NEURL3: variants seen among roughly 807,000 people sequenced by gnomAD.
NEURL3 encodes the protein neuralized E3 ubiquitin protein ligase 3, also known as E3 ubiquitin-protein ligase NEURL3.
In NEURL3, 19 loss-of-function variants were observed where a neutral mutation model predicts 17.6. That is an observed-to-expected ratio of 1.08 (90% CI 0.75 to 1.58). The LOEUF is 1.58. NEURL3 is among the 40% of genes most tolerant of loss of function. The probability of loss-of-function intolerance (pLI) is 0.00; values close to 1 mark genes in which losing one functional copy is unlikely to be tolerated. For missense variants in NEURL3, 342 were observed against 379.6 expected, an observed-to-expected ratio of 0.90 and a Z score of 0.82; for synonymous variants, 180 against 161.4, an observed-to-expected ratio of 1.11 and a Z score of -0.87.
At chr2:96,501,384 T>A (rs564905057) in intron 1 of NEURL3, among the ~76,000 whole-genome samples, 266 of 152,106 alleles carry the variant, frequency 1.7e-3, no homozygotes, top group African/African-American at 6.1e-3. Flanking sequence ...CACCTAAAAA[T>A]GACGGAAGAG....
chr2:96,500,815 G>A lies in NEURL3; in HGVS notation c.138C>T (p.Asp46=), dbSNP rs1406321245. 3.9e-6 allele frequency: 6 copies of A among 1,527,396 alleles called. No homozygotes were observed. Among genetic ancestry groups the A allele is most frequent in the Non-Finnish European group, 5.3e-6 (6 of 1,142,678 alleles). 94.6% of individuals were successfully genotyped at this position (1,527,396 alleles called of 1,614,324 possible). The change falls in exon 2 of 4, where the codon GAC becomes GAT. Residue 46 remains aspartate (D), a synonymous_variant. Transcript: ENST00000451794. Reference sequence around the variant, plus strand: ...CCGGCCGCTGGCTGAACACGATGCCGTCGTGGAACGTGGTGCGCCTGTGCG... The same window carrying A: ...CCGGCCGCTGGCTGAACACGATGCCATCGTGGAACGTGGTGCGCCTGTGCG... The part of the protein sequence containing the change: ...CIAHRRTTFH[D]GIVFSQRPVR...
At chr2:96,505,191 G>A in intron 1 of NEURL3, 68 bp downstream of exon 1, 3 of 1,569,456 alleles carry the variant, frequency 1.9e-6, no homozygotes, top group Non-Finnish European at 2.6e-6. Context: ...CAATGACACA[G>A]AGCACCCTCT....
upstream of NEURL3, chr2:96,505,428 G>A (rs1314661489): frequency 6.7e-6 from 5 of 750,772 alleles, no homozygotes; most frequent in Non-Finnish European, 9.0e-6. Flanking sequence ...TAATTCAATG[G>A]TGCTGTCATG....
At position 96,498,283 on chromosome 2, in the gene NEURL3, C is replaced by G; in HGVS notation, c.750G>C (p.Ala250=). Residue 250 remains alanine, a synonymous_variant, in exon 4 of 4, where the codon GCG becomes GCC. Transcript: ENST00000451794. This position sits in a 1 kb window ranked among gnomAD's most constrained non-coding sequence, Gnocchi z 4.4. The part of the protein sequence containing the change: ...CRWQIEAVAP[A]QGPPALRVEE... ...CAACCCTCAGAGCAGGAGGGCCCTG[C>G]GCAGGGGCTACCGCCTCTATCTGCC... 1 of 1,585,002 alleles carries G rather than the reference C, an allele frequency of 6.3e-7. No individual in the cohort carries two copies. The highest frequency in any genetic ancestry group is 8.5e-7 in the Non-Finnish European group (1 of 1,173,194).
chr2:96,498,557 T>A lies in NEURL3; in HGVS notation c.587-111A>T. On this transcript the variant is annotated intron_variant, in intron 3 of 3. Transcript: ENST00000451794. The surrounding 1 kb of genome is among the most constrained non-coding windows in gnomAD (Gnocchi z 4.4). ...AAACATGTAGCTATATTTTGAAGAA[T>A]GTTACCTAGTGAGGAAATGCTTACA... 1.0e-6 allele frequency: 1 copy of A among 1,003,070 alleles called. No individual in the cohort carries two copies. The highest frequency in any genetic ancestry group is 2.6e-5 in the East Asian group (1 of 37,832). The allele number at this position is 1,003,070 out of a possible 1,614,324, so 62.1% of individuals were successfully genotyped here.
chr2:96,506,730 A>G (rs1163234280), upstream of NEURL3, among the ~76,000 whole-genome samples: 1 of 151,988 alleles, frequency 6.6e-6, no homozygotes, highest in African/African-American at 2.4e-5. Context: ...AATAAATCAC[A>G]CTCTCATGAG....
chr2:96,501,179 A>G (rs1368527338), intron 1 of NEURL3, among the ~76,000 whole-genome samples: 2 of 152,164 alleles, frequency 1.3e-5, no homozygotes, highest in East Asian at 3.9e-4. Context: ...AGTCAGGCAT[A>G]AATATCTATA....
At chr2:96,499,346 G>C (rs956537983) in intron 3 of NEURL3, 32 bp downstream of exon 3, 3 of 1,595,580 alleles carry the variant, frequency 1.9e-6, no homozygotes, top group East Asian at 4.5e-5. Context: ...CTGGATTCCC[G>C]GGGAGTCCCT....
At chr2:96,499,348 G>C in intron 3 of NEURL3, 30 bp downstream of exon 3, 1 of 1,597,648 alleles carries the variant, frequency 6.3e-7, no homozygotes, top group Non-Finnish European at 8.5e-7. Context: ...GGATTCCCGG[G>C]GAGTCCCTGA....
Position 96,502,053 on chromosome 2 carries a change from C to T in NEURL3, c.29-1129G>A, listed in dbSNP as rs116766998. On this transcript the variant is annotated intron_variant, in intron 1 of 3. Coordinates refer to ENST00000451794, the MANE Select transcript of NEURL3 (RefSeq NM_001285485.2). ...CAGGACACGTTTGCGGTGACAGTGA[C>T]TCTGTCCCTGACTTCCACAGGCCAA... 8.3e-4 allele frequency among the ~76,000 whole-genome samples: 127 copies of T among 152,268 alleles called. 1 individual carries two copies. The highest frequency in any genetic ancestry group is 2.7e-3 in the African/African-American group (114 of 41,544).
chr2:96,504,877 C>CAAAAAAAAAAAAAAAAAAAAAAAAAAA (rs1157285400), intron 1 of NEURL3, among the ~76,000 whole-genome samples: 3 of 55,286 alleles, frequency 5.4e-5, no homozygotes, highest in East Asian at 7.8e-4. Context: ...GACTCCGTCT[C>CAAAAAAAAAAAAAAAAAAAAAAAAAAA]AAAAAAAAAA....
intron 1 of NEURL3, among the ~76,000 whole-genome samples, chr2:96,503,261 C>T (rs2104613333): frequency 6.6e-6 from 1 of 152,298 alleles, no homozygotes; most frequent in South Asian, 2.1e-4. Flanking sequence ...GCAGGCCTTG[C>T]CCTGGAGGAT....
In NEURL3 at chr2:96,497,911, A is replaced by C; in HGVS notation, c.*333T>G. The C allele has an allele frequency of 8.4e-6, 2 of 237,856 alleles. No individual in the cohort carries two copies. The highest frequency in any genetic ancestry group is 1.6e-5 in the Non-Finnish European group (2 of 123,436). 14.7% of individuals were successfully genotyped at this position (237,856 alleles called of 1,614,324 possible). ...AAGTCCAGGTTCTTCAATACCCAGG[A>C]GGTACAGGGCTTCACCAGTCACAAC... On this transcript the variant is annotated 3_prime_UTR_variant, in exon 4 of 4. Coordinates refer to ENST00000451794, the MANE Select transcript of NEURL3 (RefSeq NM_001285485.2).
In NEURL3 at chr2:96,501,057, C is replaced by G. The variant is rs186486629; in HGVS notation, c.29-133G>C. ...CTTCCCCTAGGGACCATTTCCACCTCTCTCGGTTCCTGCAGGGTTGTTATG... is the reference window on the plus strand; with the variant it reads ...CTTCCCCTAGGGACCATTTCCACCTGTCTCGGTTCCTGCAGGGTTGTTATG... On this transcript the variant is annotated intron_variant, in intron 1 of 3. Coordinates refer to ENST00000451794, the MANE Select transcript of NEURL3 (RefSeq NM_001285485.2). 1.3e-5 allele frequency: 14 copies of G among 1,111,350 alleles called. No homozygotes were observed. The East Asian group carries it at 3.9e-4, about 31-fold the overall frequency. 68.8% of individuals were successfully genotyped at this position (1,111,350 alleles called of 1,614,324 possible).
chr2:96,504,877 CAAAAA>C (rs1157285400), intron 1 of NEURL3, among the ~76,000 whole-genome samples: 33 of 55,288 alleles, frequency 6.0e-4, no homozygotes, highest in East Asian at 4.7e-3. Context: ...GACTCCGTCT[CAAAAA>C]AAAAAAAAAA....
At chr2:96,502,386 G>A (rs1452528496) in intron 1 of NEURL3, among the ~76,000 whole-genome samples, 1 of 152,216 alleles carries the variant, frequency 6.6e-6, no homozygotes, top group South Asian at 2.1e-4. Context: ...TCCATGGAGG[G>A]CAGTGGGATA....
chr2:96,501,025 C>T (rs1285999469), intron 1 of NEURL3, 101 bp from the exon 2 acceptor site: 1 of 1,350,182 alleles, frequency 7.4e-7, no homozygotes, highest in Non-Finnish European at 9.6e-7. Context: ...CCTGGGAGCA[C>T]CTTGACCTTC....
At chr2:96,505,378 G>C, upstream of NEURL3, 1 of 1,264,550 alleles carries the variant, frequency 7.9e-7, no homozygotes, top group South Asian at 1.2e-5. Context: ...CAGCAGGTCT[G>C]CTTTTTATGG....
At chr2:96,505,183 A>G in intron 1 of NEURL3, 76 bp downstream of exon 1, 5 of 1,553,376 alleles carry the variant, frequency 3.2e-6, no homozygotes, top group Non-Finnish European at 4.4e-6. Flanking sequence ...TACTCCAGCA[A>G]TGACACAGAG....
Sources: allele counts gnomAD v4.1 joint callset (sites outside exome capture counted in the v4.1 genomes callset), GRCh38; gene constraint gnomAD v4.1.1; non-coding constraint Gnocchi (gnomAD v3.1); transcripts MANE v1.5; gene names NCBI Gene and HGNC (gene_info 2026-07-23, HGNC 2026-07-21).